SPPL3: variants seen among roughly 807,000 people sequenced by gnomAD.
SPPL3 encodes signal peptide peptidase like 3, also known as signal peptide peptidase-like 3.
In SPPL3, 5 loss-of-function variants were observed where a neutral mutation model predicts 42.4. That is an observed-to-expected ratio of 0.12 (90% CI 0.06 to 0.25). The LOEUF (loss-of-function observed/expected upper bound fraction) is 0.25. Ranked by LOEUF, SPPL3 falls within the 10% of genes least tolerant of loss-of-function variation. SPPL3 has a pLI of 1.00. For synonymous variants in SPPL3, 195 were observed against 181.8 expected (o/e 1.07, Z -0.58); for missense variants, 235 against 489.0 (o/e 0.48, Z 4.90).
intron 6 of SPPL3, among the ~76,000 whole-genome samples, chr12:120,779,618 C>G (rs931575881): frequency 2.1e-4 from 32 of 151,932 alleles, no homozygotes; most frequent in African/African-American, 7.5e-4. Context: ...TGGGGCAGAG[C>G]AGTTAGATAA....
At chr12:120,842,788 T>G (rs1871874950) in intron 1 of SPPL3, among the ~76,000 whole-genome samples, 2 of 152,064 alleles carry the variant, frequency 1.3e-5, no homozygotes, top group Non-Finnish European at 2.9e-5. Context: ...CACTGGAGAT[T>G]AGGTTTCAAC....
chr12:120,833,766 A>AGT lies in SPPL3; in HGVS notation c.24-22882_24-22881dup, dbSNP rs71076664. Among the ~76,000 whole-genome samples, 936 of 146,716 alleles carry AGT rather than the reference A, an allele frequency of 6.4e-3. 5 individuals carry two copies. The highest frequency in any genetic ancestry group is 0.02 in the African/African-American group (779 of 39,252). ...AGAAAAAAGAGTTGTTGAGTTTTAA[A>AGT]GTGTGTGTGTGTGTGTGTGTGTGTG... is the stretch of plus-strand genomic sequence containing the variant. On this transcript the variant is annotated intron_variant, in intron 1 of 10. Coordinates refer to ENST00000353487, the MANE Select transcript of SPPL3 (RefSeq NM_139015.5).
intron 1 of SPPL3, among the ~76,000 whole-genome samples, chr12:120,877,674 G>C (rs145212939): frequency 6.6e-6 from 1 of 151,914 alleles, no homozygotes; most frequent in Non-Finnish European, 1.5e-5. Flanking sequence ...TCAGCTACTC[G>C]GGGGGCTGAG....
intron 2 of SPPL3, among the ~76,000 whole-genome samples, chr12:120,799,078 A>G (rs1424123673): frequency 6.6e-6 from 1 of 152,184 alleles, no homozygotes; most frequent in Non-Finnish European, 1.5e-5. Context: ...CTGCTCCTTG[A>G]CTTACAATGG....
intron 2 of SPPL3, among the ~76,000 whole-genome samples, chr12:120,809,114 G>T (rs1388603618): frequency 6.6e-6 from 1 of 152,206 alleles, no homozygotes; most frequent in Non-Finnish European, 1.5e-5. Flanking sequence ...GGCAGGCCAA[G>T]GCCGGTGGAT....
In SPPL3 at chr12:120,871,130, C is replaced by CAAAAAAAAAAAAAAAAA. The variant is rs71453512; in HGVS notation, c.23+32698_23+32714dup. The stretch of plus-strand genomic sequence containing the variant: ...GGGCGACAGAGTGAGACTCCGTCTC[C>CAAAAAAAAAAAAAAAAA]AAAAAAAAAAAAAAAAAAAGAAAAA... On this transcript the variant is annotated intron_variant, in intron 1 of 10. Coordinates refer to ENST00000353487, the MANE Select transcript of SPPL3 (RefSeq NM_139015.5). Among the ~76,000 whole-genome samples the CAAAAAAAAAAAAAAAAA allele has an allele frequency of 2.5e-3, 127 of 51,632 alleles. 3 individuals carry two copies. The highest frequency in any genetic ancestry group is 0.016 in the Middle Eastern group (1 of 64). 33.9% of individuals were successfully genotyped at this position (51,632 alleles called of 152,430 possible). A position where few individuals can be genotyped will look rare whatever the true frequency, so the allele number is the denominator to read the frequency against.
intron 1 of SPPL3, among the ~76,000 whole-genome samples, chr12:120,833,795 G>C (rs570559395): frequency 7.6e-6 from 1 of 131,658 alleles, no homozygotes; most frequent in East Asian, 2.2e-4. Flanking sequence ...GTGTGTGTGT[G>C]TGTGTGTGTG....
intron 1 of SPPL3, among the ~76,000 whole-genome samples, chr12:120,823,342 C>T (rs1871131222): frequency 6.6e-6 from 1 of 152,086 alleles, no homozygotes; most frequent in Non-Finnish European, 1.5e-5. Flanking sequence ...ATCTCCTTGT[C>T]ACACTGTGCC....
chr12:120,891,026 C>A (rs1314167882), intron 1 of SPPL3, among the ~76,000 whole-genome samples: 2 of 152,218 alleles, frequency 1.3e-5, no homozygotes, highest in Non-Finnish European at 1.5e-5. Flanking sequence ...CTTTGCTACA[C>A]AATGACTCTG....
chr12:120,838,628 T>C (rs1167777860), intron 1 of SPPL3, among the ~76,000 whole-genome samples: 1 of 152,204 alleles, frequency 6.6e-6, no homozygotes, highest in Non-Finnish European at 1.5e-5. Context: ...GTCCAAACAT[T>C]CAACAGATAA....
At chr12:120,765,502 G>A (rs1310337644) in intron 10 of SPPL3, among the ~76,000 whole-genome samples, 1 of 152,092 alleles carries the variant, frequency 6.6e-6, no homozygotes, top group Non-Finnish European at 1.5e-5. Context: ...TGGCCAGGCT[G>A]GTCCTGAACT....
intron 1 of SPPL3, among the ~76,000 whole-genome samples, chr12:120,887,037 G>A (rs952351441): frequency 6.6e-6 from 1 of 151,128 alleles, no homozygotes; most frequent in Admixed American, 6.6e-5. Context: ...GCAGTGGCAC[G>A]ATCTCGGCTC....
chr12:120,810,975 A>G, intron 1 of SPPL3, 89 bp from the exon 2 acceptor site: 2 of 812,586 alleles, frequency 2.5e-6, no homozygotes, highest in Non-Finnish European at 3.8e-6. Context: ...AACCCCACTG[A>G]GCTTTGTTTT....
intron 1 of SPPL3, among the ~76,000 whole-genome samples, chr12:120,895,413 G>T (rs1360454830): frequency 6.7e-6 from 1 of 148,696 alleles, no homozygotes; most frequent in African/African-American, 2.5e-5. Flanking sequence ...GGTGACAAGA[G>T]CGAAACTCCA....
rs558856598 is a variant in SPPL3, at chr12:120,816,625, C to T, written c.24-5739G>A. Among the ~76,000 whole-genome samples, 7 of 152,346 alleles carry T rather than the reference C, an allele frequency of 4.6e-5. No homozygotes were observed. The East Asian group carries it at 1.2e-3, about 25-fold the overall frequency. On this transcript the variant is annotated intron_variant, in intron 1 of 10. Coordinates refer to ENST00000353487, the MANE Select transcript of SPPL3 (RefSeq NM_139015.5). ...CTCCTGGACTCAAGCAATCCTCCCA[C>T]CTCAGCCTCCCAAGCAGCCAGGACT... is the stretch of plus-strand genomic sequence containing the variant.
chr12:120,839,275 G>T (rs933822395), intron 1 of SPPL3, among the ~76,000 whole-genome samples: 7 of 147,012 alleles, frequency 4.8e-5, no homozygotes, highest in Non-Finnish European at 8.9e-5. Context: ...ACCAAACACC[G>T]CATGTTCTCA....
At chr12:120,890,524 G>A (rs1459620739) in intron 1 of SPPL3, among the ~76,000 whole-genome samples, 1 of 151,116 alleles carries the variant, frequency 6.6e-6, no homozygotes, top group African/African-American at 2.4e-5. Flanking sequence ...GGAAGGCGGA[G>A]GCTGCAGTAA....
intron 1 of SPPL3, among the ~76,000 whole-genome samples, chr12:120,862,548 T>A (rs2137043280): frequency 6.6e-6 from 1 of 152,288 alleles, no homozygotes; most frequent in East Asian, 1.9e-4. Context: ...TACTTACTAT[T>A]GTTGGTTTAT....
At chr12:120,895,283 C>T (rs10160872) in intron 1 of SPPL3, among the ~76,000 whole-genome samples, 29,476 of 151,752 alleles carry the variant, frequency 0.19, 4,517 homozygotes, top group African/African-American at 0.41. Flanking sequence ...CAAAATTAGC[C>T]GCGTGTATTG....
Sources: allele counts gnomAD v4.1 joint callset (sites outside exome capture counted in the v4.1 genomes callset), GRCh38; gene constraint gnomAD v4.1.1; transcripts MANE v1.5; gene names NCBI Gene and HGNC (gene_info 2026-07-23, HGNC 2026-07-21).